The following GALNT12 variants were observed in gnomAD, a reference collection of about 807,000 sequenced individuals.
GALNT12 encodes the protein UDP-GalNAc:polypeptide N-acetylgalactosaminyltransferase 12.
In GALNT12, 45 loss-of-function variants were observed where a neutral mutation model predicts 55.5. That is an observed-to-expected ratio of 0.81 (90% CI 0.64 to 1.04). GALNT12 has a LOEUF of 1.04. Ranked by LOEUF, GALNT12 falls within the 50% of genes least tolerant of loss-of-function variation. The pLI, the probability that GALNT12 is intolerant of heterozygous loss-of-function variation, is 0.00. For missense variants in GALNT12, 709 were observed against 754.8 expected, an observed-to-expected ratio of 0.94 and a Z score of 0.71; for synonymous variants, 304 against 312.2, an observed-to-expected ratio of 0.97 and a Z score of 0.28.
At chr9:98,848,771 T>A in intron 9 of GALNT12, 181 bp from the exon 10 acceptor site, 1 of 700,728 alleles carries the variant, frequency 1.4e-6, no homozygotes, top group Non-Finnish European at 2.4e-6. Context: ...GGACGCAGCC[T>A]GTACAAGCCT....
Position 98,845,991 on chromosome 9 carries a change from G to A in GALNT12, c.1473G>A (p.Thr491=), listed in dbSNP as rs373044668. 5.6e-6 allele frequency: 9 copies of A among 1,614,080 alleles called. No homozygotes were observed. The highest frequency in any genetic ancestry group is 2.2e-5 in the East Asian group (1 of 44,888). ...GMGQNQFFEY[T]SQKEIRYNTH... ...CCCATTTTTAGTTTTTCGAGTACAC[G>A]TCCCAGAAAGAAATACGCTATAACA... The change falls in exon 9 of 10, where the codon ACG becomes ACA. Residue 491 remains threonine, a synonymous_variant. Transcript: ENST00000375011.
chr9:98,825,570 C>T (rs1414504918), intron 2 of GALNT12, among the ~76,000 whole-genome samples: 3 of 152,222 alleles, frequency 2.0e-5, no homozygotes. Context: ...GAGTGCAGGG[C>T]AGCCATGCTG....
At chr9:98,839,976 G>A in intron 6 of GALNT12, 26 bp from the exon 7 acceptor site, 3 of 1,613,876 alleles carry the variant, frequency 1.9e-6, no homozygotes, top group Non-Finnish European at 1.7e-6. Context: ...GACCCATGGG[G>A]TCTCACTGTT....
chr9:98,833,915 A>G lies in GALNT12; in HGVS notation c.918-1334A>G, dbSNP rs1433317651. On this transcript the variant is annotated intron_variant, in intron 4 of 9. Coordinates refer to ENST00000375011, the MANE Select transcript of GALNT12 (RefSeq NM_024642.5). The stretch of plus-strand genomic sequence containing the variant: ...CCTGTGCCTCAGTTATCTCATCTGT[A>G]TAATAGGTACCAGCATATCCACCCT... Among the ~76,000 whole-genome samples, 6 of 152,038 alleles carry G rather than the reference A, an allele frequency of 3.9e-5. No individual in the cohort carries two copies. The East Asian group carries it at 5.8e-4, about 15-fold the overall frequency.
chr9:98,809,489 CT>C (rs1170886486), intron 1 of GALNT12, among the ~76,000 whole-genome samples: 2 of 152,200 alleles, frequency 1.3e-5, no homozygotes, highest in African/African-American at 4.8e-5. Flanking sequence ...AATCCTGGTT[CT>C]TTTGCTCGTC....
Position 98,836,844 on chromosome 9 carries a change from G to C in GALNT12, c.1036-128G>C, listed in dbSNP as rs41283634. The C allele has an allele frequency of 5.0e-6, 5 of 998,550 alleles. No individual in the cohort carries two copies. The East Asian group carries it at 9.7e-5, about 19-fold the overall frequency. The allele number at this position is 998,550 out of a possible 1,614,324, so 61.9% of individuals were successfully genotyped here. ...GTGCCGGGTAGGTGGCCTCCTGCCC[G>C]ATGGAGGCTGAGCATCTTGGCAGTG... On this transcript the variant is annotated intron_variant, in intron 5 of 9. Transcript: ENST00000375011.
At position 98,849,750 on chromosome 9, in the gene GALNT12, G is replaced by A; in HGVS notation, c.*658G>A. The A allele has an allele frequency of 5.0e-6, 2 of 397,558 alleles. No individual in the cohort carries two copies. The highest frequency in any genetic ancestry group is 8.8e-6 in the Non-Finnish European group (2 of 226,130). The allele number at this position is 397,558 out of a possible 1,614,324, so 24.6% of individuals were successfully genotyped here. On this transcript the variant is annotated 3_prime_UTR_variant, in exon 10 of 10. Transcript: ENST00000375011. Reference sequence around the variant, plus strand: ...CTCAGAGAACAATTTGCTTTACTAAGCTGAGTCAACTTGAGAGCGAACTTC... The same window carrying A: ...CTCAGAGAACAATTTGCTTTACTAAACTGAGTCAACTTGAGAGCGAACTTC...
At chr9:98,841,832 G>A (rs1836294910) in intron 7 of GALNT12, among the ~76,000 whole-genome samples, 2 of 151,606 alleles carry the variant, frequency 1.3e-5, no homozygotes, top group Non-Finnish European at 2.9e-5. Context: ...CACCATGCCT[G>A]GCTAATTTTT....
chr9:98,837,183 T>G (rs766816049), intron 6 of GALNT12, 35 bp downstream of exon 6: 1 of 1,609,820 alleles, frequency 6.2e-7, no homozygotes, highest in Non-Finnish European at 8.5e-7. Flanking sequence ...TCCATCTGGC[T>G]TCATCTGAAC....
chr9:98,831,519 T>C (rs1835990942), intron 3 of GALNT12, among the ~76,000 whole-genome samples: 1 of 152,212 alleles, frequency 6.6e-6, no homozygotes, highest in African/African-American at 2.4e-5. Flanking sequence ...TGTCCATGGA[T>C]AGAATCAGAG....
intron 3 of GALNT12, among the ~76,000 whole-genome samples, chr9:98,827,361 T>C (rs10987872): frequency 0.41 from 62,451 of 151,740 alleles, 13,520 homozygotes; most frequent in South Asian, 0.54. Flanking sequence ...CCACCACACC[T>C]GGCTAATTTT....
At chr9:98,816,528 T>C (rs1241824194) in intron 1 of GALNT12, among the ~76,000 whole-genome samples, 1 of 152,228 alleles carries the variant, frequency 6.6e-6, no homozygotes, top group Non-Finnish European at 1.5e-5. Flanking sequence ...CCGTCCTTAT[T>C]GTCAATTATT....
intron 7 of GALNT12, among the ~76,000 whole-genome samples, chr9:98,840,704 T>A (rs1836267847): frequency 1.3e-5 from 2 of 152,210 alleles, no homozygotes; most frequent in Non-Finnish European, 2.9e-5. Context: ...GATATTCATG[T>A]TACATTCTAT....
chr9:98,845,923 T>G, intron 8 of GALNT12, 54 bp from the exon 9 acceptor site: 1 of 1,597,040 alleles, frequency 6.3e-7, no homozygotes, highest in Non-Finnish European at 8.6e-7. Context: ...CGATCTTTCC[T>G]CTTCCCACAT....
Position 98,840,002 on chromosome 9 carries a change from G to A in GALNT12, c.1213G>A (p.Glu405Lys), listed in dbSNP as rs1404824748. 6.2e-7 allele frequency: 1 copy of A among 1,614,068 alleles called. No homozygotes were observed. The highest frequency in any genetic ancestry group is 1.7e-5 in the Admixed American group (1 of 60,018). ...TCTCACTGTTTTGTTGTTTTCTCAG[G>A]AACCTTTTGGGGATGTGACAGAGAG... ...YYHRNPRARL[E>K]PFGDVTERKQ... Residue 405 changes from glutamate (E) to lysine (K), a missense_variant and splice_region_variant, in exon 7 of 10, where the codon GAA becomes AAA. Physicochemically the swap from Glu to Lys is moderately conservative, Grantham distance 56 (BLOSUM62 1). This residue lies in a region of GALNT12 where 262 missense variants were observed against 310.7 expected (regional missense o/e 0.84). Transcript: ENST00000375011.
In GALNT12 at chr9:98,849,048, A is replaced by G; in HGVS notation, c.1702A>G (p.Asn568Asp). ...CGTTCCACTCTTACGAGACTGCACCAACTCGGATCATCAGAAATGGTTCTT... is the reference window on the plus strand; with the variant it reads ...CGTTCCACTCTTACGAGACTGCACCGACTCGGATCATCAGAAATGGTTCTT... ...SFVPLLRDCT[N>D]SDHQKWFFKE... Residue 568 changes from asparagine (N) to aspartate (D), a missense_variant, in exon 10 of 10, where the codon AAC becomes GAC. By Grantham distance (23) the Asn-to-Asp change is conservative. This residue lies in a region of GALNT12 where 262 missense variants were observed against 310.7 expected (regional missense o/e 0.84). Transcript: ENST00000375011. 3 of 1,614,230 alleles carry G rather than the reference A, an allele frequency of 1.9e-6. No homozygotes were observed. The highest frequency in any genetic ancestry group is 2.5e-6 in the Non-Finnish European group (3 of 1,180,018).
intron 1 of GALNT12, among the ~76,000 whole-genome samples, chr9:98,814,120 G>A (rs1835560305): frequency 6.6e-6 from 1 of 152,166 alleles, no homozygotes; most frequent in African/African-American, 2.4e-5. Context: ...GATTGGTCAG[G>A]CCTGAGGCAT....
chr9:98,812,593 A>G (rs955043263), intron 1 of GALNT12, among the ~76,000 whole-genome samples: 6 of 152,242 alleles, frequency 3.9e-5, no homozygotes, highest in African/African-American at 7.2e-5. Flanking sequence ...CTCCATTTAA[A>G]AAGAAAAATC....
Position 98,807,741 on chromosome 9 carries a change from C to T in GALNT12, c.43C>T (p.Arg15Trp), listed in dbSNP as rs1588436068. ...GCGGCGGCGCTGCCCGCGGGAACTG[C>T]GGCGCGGCCGGGAGGCGCTGTTGGT... ...TARRRCPRELRRGREALLVLL... is the reference protein window; with the variant it reads ...TARRRCPRELWRGREALLVLL... The change falls in exon 1 of 10, where the codon CGG becomes TGG. Residue 15 changes from arginine (R) to tryptophan (W), a missense_variant. Transcript: ENST00000375011. 1 of 1,187,734 alleles carries T rather than the reference C, an allele frequency of 8.4e-7. No homozygotes were observed. The highest frequency in any genetic ancestry group is 1.0e-6 in the Non-Finnish European group (1 of 954,212). The allele number at this position is 1,187,734 out of a possible 1,614,324, so 73.6% of individuals were successfully genotyped here. A position where few individuals can be genotyped will look rare whatever the true frequency, so the allele number is the denominator to read the frequency against.
Sources: gnomAD v4.1 joint callset for allele counts (sites outside exome capture counted in the v4.1 genomes callset) on GRCh38, gnomAD v4.1.1 for gene constraint, gnomAD v4.1.1 regional missense constraint, MANE v1.5 for transcripts, NCBI Gene and HGNC (gene_info 2026-07-23, HGNC 2026-07-21) for gene names.